Variants in NUDT2 observed in about 807,000 individuals in gnomAD.
The protein encoded by NUDT2 is bis(5'-nucleosyl)-tetraphosphatase [asymmetrical].
A neutral mutation model predicts 14.2 loss-of-function variants in NUDT2; 12 were observed. That is an observed-to-expected ratio of 0.84 (90% CI 0.54 to 1.37). NUDT2 has a LOEUF of 1.37. Ranked by LOEUF, NUDT2 falls within the 40% of genes most tolerant of loss-of-function variation. The pLI, the probability that NUDT2 is intolerant of heterozygous loss-of-function variation, is 0.00. For missense variants in NUDT2, 167 were observed against 176.7 expected (o/e 0.95, Z 0.31); for synonymous variants, 67 against 67.4 (o/e 0.99, Z 0.03).
At chr9:34,334,397 C>T (rs1314700857) in intron 1 of NUDT2, among the ~76,000 whole-genome samples, 3 of 152,118 alleles carry the variant, frequency 2.0e-5, no homozygotes, top group Admixed American at 6.6e-5. Flanking sequence ...TTCTCACCTC[C>T]GCAATCCTGG....
chr9:34,343,150 T>C lies in NUDT2; in HGVS notation c.154T>C (p.Leu52=). The C allele has an allele frequency of 6.2e-7, 1 of 1,613,814 alleles. No individual in the cohort carries two copies. The highest frequency in any genetic ancestry group is 8.5e-7 in the Non-Finnish European group (1 of 1,179,876). ...CCATGTGGAACCAGGAGAGGATGACTTGGAAACAGCCCTGAGGGAGACCCA... is the reference window on the plus strand; with the variant it reads ...CCATGTGGAACCAGGAGAGGATGACCTGGAAACAGCCCTGAGGGAGACCCA... The part of the protein sequence containing the change: ...KGHVEPGEDD[L]ETALRETQEE... Residue 52 remains leucine, a synonymous_variant, in exon 5 of 5, where the codon TTG becomes CTG. Coordinates refer to ENST00000379158, the MANE Select transcript of NUDT2 (RefSeq NM_001161.5).
At position 34,343,373 on chromosome 9, in the gene NUDT2, C is replaced by T. The variant is rs1022883674; in HGVS notation, c.377C>T (p.Ala126Val). ...WLGLEEACQL[A>V]QFKEMKAALQ... ...GGGCTGGAGGAGGCCTGCCAGTTGG[C>T]TCAGTTCAAGGAGATGAAGGCAGCG... The change falls in exon 5 of 5, where the codon GCT becomes GTT. Residue 126 changes from alanine (A) to valine (V), a missense_variant. By Grantham distance (64) the Ala-to-Val change is moderately conservative (BLOSUM62 0). Coordinates refer to ENST00000379158, the MANE Select transcript of NUDT2 (RefSeq NM_001161.5). The T allele has an allele frequency of 1.9e-6, 3 of 1,613,888 alleles. No individual in the cohort carries two copies. The highest frequency in any genetic ancestry group is 2.7e-5 in the African/African-American group (2 of 74,910).
In NUDT2 at chr9:34,339,125, T is replaced by C; in HGVS notation, c.86T>C (p.Leu29Pro). ...AACAATGCAATTGAGTTTTTACTGC[T>C]GCAGGCATCAGATGGCATTCATCAC... ...VDNNAIEFLL[L>P]QASDGIHHWT... is the part of the protein sequence containing the mutation. The change falls in exon 4 of 5, where the codon CTG (leucine) becomes CCG (proline). Residue 29 changes from leucine (L) to proline (P), a missense_variant. Coordinates refer to ENST00000379158, the MANE Select transcript of NUDT2 (RefSeq NM_001161.5). 1 of 1,614,142 alleles carries C rather than the reference T, an allele frequency of 6.2e-7. No individual in the cohort carries two copies. Among genetic ancestry groups the C allele is most frequent in the Non-Finnish European group, 8.5e-7 (1 of 1,179,992 alleles).
intron 2 of NUDT2, among the ~76,000 whole-genome samples, chr9:34,338,156 TAAAAAAAAA>T (rs74180557): frequency 0.017 from 541 of 31,062 alleles, 9 homozygotes; most frequent in Admixed American, 0.041. Context: ...CCCTGTTTCT[TAAAAAAAAA>T]AAAAAAAAAA....
intron 4 of NUDT2, among the ~76,000 whole-genome samples, chr9:34,341,240 G>C (rs1252380047): frequency 6.6e-6 from 1 of 152,120 alleles, no homozygotes; most frequent in Non-Finnish European, 1.5e-5. Context: ...TTCCTGCTTC[G>C]GCAGAAGCTA....
rs142195219 is a variant in NUDT2, at chr9:34,329,687, C to G, written c.-265+88C>G. 1,199 of 152,602 alleles carry G rather than the reference C, an allele frequency of 7.9e-3. 12 individuals are homozygous for G. Among genetic ancestry groups the G allele is most frequent in the Non-Finnish European group, 0.013 (914 of 68,226 alleles). 9.5% of individuals were successfully genotyped at this position (152,602 alleles called of 1,614,324 possible). A position where few individuals can be genotyped will look rare whatever the true frequency, so the allele number is the denominator to read the frequency against. ...ATGGGAATCTGCCTCTGGCAAACCT[C>G]TGGTCGCTGCAGGGCCCGAGAGGGA... On this transcript the variant is annotated intron_variant, in intron 1 of 4. Coordinates refer to ENST00000379158, the MANE Select transcript of NUDT2 (RefSeq NM_001161.5).
chr9:34,338,450 G>A, intron 2 of NUDT2, among the ~76,000 whole-genome samples: 1 of 149,102 alleles, frequency 6.7e-6, no homozygotes, highest in Non-Finnish European at 1.5e-5. Context: ...CAAGGCTGCA[G>A]TGAGCCATGA....
intron 4 of NUDT2, among the ~76,000 whole-genome samples, chr9:34,339,513 G>C (rs1838181908): frequency 6.6e-6 from 1 of 152,250 alleles, no homozygotes; most frequent in South Asian, 2.1e-4. Context: ...TCTCAGCTTT[G>C]AGTTTTTCAT....
intron 2 of NUDT2, among the ~76,000 whole-genome samples, chr9:34,337,189 G>A (rs1363367917): frequency 2.0e-5 from 3 of 151,752 alleles, no homozygotes; most frequent in Admixed American, 6.6e-5. Flanking sequence ...TAGTAGAGAC[G>A]GGGTTTCTCC....
chr9:34,342,250 A>G lies in NUDT2; in HGVS notation c.128-874A>G, dbSNP rs186448817. 1.5e-3 allele frequency among the ~76,000 whole-genome samples: 224 copies of G among 152,328 alleles called. 1 individual carries two copies. Among genetic ancestry groups the G allele is most frequent in the Admixed American group, 0.013 (199 of 15,290 alleles). On this transcript the variant is annotated intron_variant, in intron 4 of 4. Coordinates refer to ENST00000379158, the MANE Select transcript of NUDT2 (RefSeq NM_001161.5). ...GTAAGAAAGAGGAAAACAATTTGGA[A>G]AAAGCCTTGATAGCTTCATGGAAAC... is the stretch of plus-strand genomic sequence containing the variant.
intron 1 of NUDT2, among the ~76,000 whole-genome samples, chr9:34,332,455 A>G (rs1280573137): frequency 2.0e-5 from 3 of 152,224 alleles, no homozygotes; most frequent in African/African-American, 4.8e-5. Flanking sequence ...GGTGCTTGGT[A>G]GTATTCAGCT....
chr9:34,336,983 G>A (rs1587990773), intron 2 of NUDT2, among the ~76,000 whole-genome samples: 1 of 137,734 alleles, frequency 7.3e-6, no homozygotes, highest in Admixed American at 7.4e-5. Context: ...AGTGAACATT[G>A]TTATATGTAC....
intron 4 of NUDT2, 69 bp from the exon 5 acceptor site, chr9:34,343,055 C>A: frequency 7.0e-7 from 1 of 1,422,976 alleles, no homozygotes; most frequent in Non-Finnish European, 9.6e-7. Context: ...AAAATCTTGT[C>A]TGGAAAATCC....
At chr9:34,339,726 C>T (rs1216540188) in intron 4 of NUDT2, among the ~76,000 whole-genome samples, 1 of 151,952 alleles carries the variant, frequency 6.6e-6, no homozygotes, top group East Asian at 1.9e-4. Context: ...ACCTGTAGTC[C>T]CAGCTACTCA....
chr9:34,339,736 A>T (rs1227561579), intron 4 of NUDT2, among the ~76,000 whole-genome samples: 3 of 152,020 alleles, frequency 2.0e-5, no homozygotes, highest in Admixed American at 2.0e-4. Flanking sequence ...CCAGCTACTC[A>T]GGAGGCTGAG....
intron 2 of NUDT2, among the ~76,000 whole-genome samples, chr9:34,337,929 C>T (rs538455769): frequency 2.6e-5 from 4 of 151,868 alleles, no homozygotes; most frequent in African/African-American, 4.8e-5. Flanking sequence ...CCGTAACCTC[C>T]GCCTCCCGGG....
In NUDT2 at chr9:34,343,666, CTTGTACT is replaced by C; in HGVS notation, c.*229_*235del. The C allele has an allele frequency of 2.1e-6, 1 of 474,918 alleles. No individual in the cohort carries two copies. Among genetic ancestry groups the C allele is most frequent in the Non-Finnish European group, 3.7e-6 (1 of 269,868 alleles). 29.4% of individuals were successfully genotyped at this position (474,918 alleles called of 1,614,324 possible). ...AAAAGGCCAGGCCCAGTAAGTGTAC[CTTGTACT>C]TTATAAATAAACCTCAAGCAGCTCA... On this transcript the variant is annotated 3_prime_UTR_variant, in exon 5 of 5. Coordinates refer to ENST00000379158, the MANE Select transcript of NUDT2 (RefSeq NM_001161.5).
At chr9:34,338,176 AAAAAAAGGAT>A (rs1838140766) in intron 2 of NUDT2, among the ~76,000 whole-genome samples, 1 of 147,846 alleles carries the variant, frequency 6.8e-6, no homozygotes, top group Non-Finnish European at 1.5e-5. Flanking sequence ...AAAAAAAAAA[AAAAAAAGGAT>A]AAAATAAAAG....
At chr9:34,331,641 A>G (rs943008331) in intron 1 of NUDT2, among the ~76,000 whole-genome samples, 2 of 152,210 alleles carry the variant, frequency 1.3e-5, no homozygotes, top group Non-Finnish European at 2.9e-5. Flanking sequence ...GAAAATTTTC[A>G]CCGTGGTCTT....
Sources: allele counts gnomAD v4.1 joint callset (sites outside exome capture counted in the v4.1 genomes callset), GRCh38; gene constraint gnomAD v4.1.1; transcripts MANE v1.5; gene names NCBI Gene and HGNC (gene_info 2026-07-23, HGNC 2026-07-21).